Variants in DENND2C observed in about 807,000 individuals in gnomAD.
The protein encoded by DENND2C is DENN domain-containing protein 2C.
A neutral mutation model predicts 112.4 loss-of-function variants in DENND2C; 72 were observed. That is an observed-to-expected ratio of 0.64 (90% confidence interval 0.53 to 0.78). The LOEUF is 0.78. Among genes scored for constraint, DENND2C ranks in the 30% least tolerant of loss-of-function variants. The pLI, the probability that DENND2C is intolerant of heterozygous loss-of-function variation, is 0.00. For missense variants in DENND2C, 992 were observed against 1,113.8 expected (o/e 0.89, Z 1.56); for synonymous variants, 329 against 381.6 (o/e 0.86, Z 1.61).
chr1:114,591,329 T>C (rs1655184626), intron 18 of DENND2C, among the ~76,000 whole-genome samples: 1 of 152,176 alleles, frequency 6.6e-6, no homozygotes, highest in Non-Finnish European at 1.5e-5. Context: ...GTGGCTTACA[T>C]TTACACTTCC....
chr1:114,612,163 TA>T (rs1476070644), intron 8 of DENND2C, among the ~76,000 whole-genome samples: 1 of 152,136 alleles, frequency 6.6e-6, no homozygotes, highest in African/African-American at 2.4e-5. Flanking sequence ...CCCAAATTCA[TA>T]ACGAAATAAA....
At position 114,602,123 on chromosome 1, in the gene DENND2C, A is replaced by G; in HGVS notation, c.1737+2T>C. On this transcript the variant is annotated splice_donor_variant, in intron 12 of 20. Transcript: ENST00000393274. LOFTEE classifies it high-confidence loss of function. ...TGTCTGTAACACAAATCTGATACTT[A>G]CCAAGAGCTTCTTACAGTAACCAAA... 1.9e-6 allele frequency: 3 copies of G among 1,613,808 alleles called. No individual in the cohort carries two copies. The highest frequency in any genetic ancestry group is 2.5e-6 in the Non-Finnish European group (3 of 1,179,854).
At position 114,626,038 on chromosome 1, in the gene DENND2C, G is replaced by T; in HGVS notation, c.-54C>A. On this transcript the variant is annotated 5_prime_UTR_variant, in exon 4 of 21. The change creates a premature stop within an existing upstream ORF in the 5' untranslated region. Transcript: ENST00000393274. ...GAATCTTACAAAGGTTCCATTACAA[G>T]TAAATGTGAAATATTGTATTCTTTA... 6.8e-7 allele frequency: 1 copy of T among 1,467,862 alleles called. No homozygotes were observed. Among genetic ancestry groups the T allele is most frequent in the African/African-American group, 1.4e-5 (1 of 70,976 alleles). 90.9% of individuals were successfully genotyped at this position (1,467,862 alleles called of 1,614,324 possible).
intron 7 of DENND2C, among the ~76,000 whole-genome samples, chr1:114,619,724 G>A (rs1656112755): frequency 6.6e-6 from 1 of 152,054 alleles, no homozygotes; most frequent in Admixed American, 6.6e-5. Flanking sequence ...AAAGATGTAT[G>A]GAAATAAATA....
intron 3 of DENND2C, among the ~76,000 whole-genome samples, chr1:114,637,062 T>C (rs1461105078): frequency 6.7e-6 from 1 of 149,848 alleles, no homozygotes; most frequent in Non-Finnish European, 1.5e-5. Flanking sequence ...CTGGGCAATA[T>C]GGTTAAACCC....
At chr1:114,660,021 G>C (rs1183247048) in intron 1 of DENND2C, among the ~76,000 whole-genome samples, 2 of 152,048 alleles carry the variant, frequency 1.3e-5, no homozygotes, top group Non-Finnish European at 2.9e-5. Context: ...AAACTCATGG[G>C]CTCAAGTGAT....
At chr1:114,641,935 A>G (rs1447601525) in intron 3 of DENND2C, among the ~76,000 whole-genome samples, 4 of 152,062 alleles carry the variant, frequency 2.6e-5, no homozygotes, top group African/African-American at 7.2e-5. Flanking sequence ...TATATCATAT[A>G]TATACACACA....
intron 6 of DENND2C, 74 bp from the exon 7 acceptor site, chr1:114,622,139 G>T: frequency 7.0e-7 from 1 of 1,423,464 alleles, no homozygotes. Flanking sequence ...TTTGAGATGG[G>T]GTCTTGCTCT....
At position 114,585,412 on chromosome 1, in the gene DENND2C, A is replaced by G; in HGVS notation, c.*188T>C. Reference sequence around the variant, plus strand: ...AGTAAAGATGGCATGGTGCCAGACCATTCCCAACAATTCTCCAGTGATTAC... The same window carrying G: ...AGTAAAGATGGCATGGTGCCAGACCGTTCCCAACAATTCTCCAGTGATTAC... On this transcript the variant is annotated 3_prime_UTR_variant, in exon 21 of 21. Transcript: ENST00000393274. The G allele has an allele frequency of 1.6e-6, 1 of 615,654 alleles. No individual in the cohort carries two copies. The highest frequency in any genetic ancestry group is 2.9e-6 in the Non-Finnish European group (1 of 347,838). 38.1% of individuals were successfully genotyped at this position (615,654 alleles called of 1,614,324 possible).
At chr1:114,596,676 G>C (rs908143587) in intron 16 of DENND2C, among the ~76,000 whole-genome samples, 42 of 151,974 alleles carry the variant, frequency 2.8e-4, no homozygotes, top group African/African-American at 8.2e-4. Flanking sequence ...ACTGAAGTGG[G>C]GTGACTGGTA....
Position 114,599,276 on chromosome 1 carries a change from C to G in DENND2C, c.2281G>C (p.Glu761Gln). 6.2e-7 allele frequency: 1 copy of G among 1,605,298 alleles called. No homozygotes were observed. Among genetic ancestry groups the G allele is most frequent in the East Asian group, 2.2e-5 (1 of 44,832 alleles). ...LPQLQDLPIE[E>Q]VLIVDLCADK... is the part of the protein sequence containing the mutation. Reference sequence around the variant, plus strand: ...TAGGTTCCATTCTTCTATCTCACCTCTTCAATGGGTAGGTCCTGGAGCTGT... The same window carrying G: ...TAGGTTCCATTCTTCTATCTCACCTGTTCAATGGGTAGGTCCTGGAGCTGT... The change falls in exon 16 of 21, where the codon GAG becomes CAG. Residue 761 changes from glutamate to glutamine, a missense_variant and splice_region_variant. By Grantham distance (29) the Glu-to-Gln change is conservative. Coordinates refer to ENST00000393274, the MANE Select transcript of DENND2C (RefSeq NM_001256404.2).
intron 3 of DENND2C, among the ~76,000 whole-genome samples, chr1:114,640,100 A>G (rs934250218): frequency 6.6e-6 from 1 of 152,208 alleles, no homozygotes; most frequent in Admixed American, 6.5e-5. Flanking sequence ...TTGTTTTTCC[A>G]TTTGAGATTC....
Position 114,608,870 on chromosome 1 carries a change from C to A in DENND2C, c.1373G>T (p.Arg458Leu), listed in dbSNP as rs200716799. 5 of 1,613,990 alleles carry A rather than the reference C, an allele frequency of 3.1e-6. No individual in the cohort carries two copies. Among genetic ancestry groups the A allele is most frequent in the African/African-American group, 1.3e-5 (1 of 75,032 alleles). Residue 458 changes from arginine to leucine, a missense_variant, in exon 10 of 21, where the codon CGC becomes CTC. By Grantham distance (102) the Arg-to-Leu change is moderately radical. This residue lies in a region of DENND2C where 516 missense variants were observed against 623.6 expected (regional missense o/e 0.83). Coordinates refer to ENST00000393274, the MANE Select transcript of DENND2C (RefSeq NM_001256404.2). ...ESDAEYLPKNRHKRLAQLQPS... is the reference protein window; with the variant it reads ...ESDAEYLPKNLHKRLAQLQPS... ...TTGCAGTTGTGCTAAGCGTTTATGG[C>A]GATCTGTAATGAAATCATGGAGAAA...
chr1:114,668,453 TATTGTC>T (rs1394679522), intron 1 of DENND2C, among the ~76,000 whole-genome samples: 1 of 152,010 alleles, frequency 6.6e-6, no homozygotes, highest in Non-Finnish European at 1.5e-5. Context: ...GAAAACTGCT[TATTGTC>T]ATTAAGAAAA....
rs139936260 is a variant in DENND2C, at chr1:114,585,485, T to C, written c.*115A>G. On this transcript the variant is annotated 3_prime_UTR_variant, in exon 21 of 21. Coordinates refer to ENST00000393274, the MANE Select transcript of DENND2C (RefSeq NM_001256404.2). Reference sequence around the variant, plus strand: ...TCCTCTAACAGCCTGACTCGCTCTTTAACCTTTTAAAATTTCAAGAATTTT... The same window carrying C: ...TCCTCTAACAGCCTGACTCGCTCTTCAACCTTTTAAAATTTCAAGAATTTT... 175 of 1,157,488 alleles carry C rather than the reference T, an allele frequency of 1.5e-4. No individual in the cohort carries two copies. In the East Asian group the frequency reaches 4.0e-3, roughly 26 times the overall value. 71.7% of individuals were successfully genotyped at this position (1,157,488 alleles called of 1,614,324 possible).
intron 14 of DENND2C, 100 bp downstream of exon 14, chr1:114,600,720 T>C (rs1655476492): frequency 2.1e-6 from 3 of 1,404,064 alleles, no homozygotes; most frequent in African/African-American, 1.4e-5. Context: ...TTACAGTTTA[T>C]GGAAAAGGGA....
chr1:114,589,538 TA>T (rs1405740316), intron 18 of DENND2C, among the ~76,000 whole-genome samples: 1 of 152,042 alleles, frequency 6.6e-6, no homozygotes, highest in Non-Finnish European at 1.5e-5. Context: ...TTCTTTTTTT[TA>T]ATTAATTTTT....
intron 3 of DENND2C, among the ~76,000 whole-genome samples, chr1:114,628,776 T>C (rs1343448538): frequency 6.6e-6 from 1 of 152,270 alleles, no homozygotes; most frequent in African/African-American, 2.4e-5. Flanking sequence ...AATTATATTC[T>C]GAGCCACCTT....
intron 8 of DENND2C, among the ~76,000 whole-genome samples, chr1:114,614,515 T>C (rs1400734951): frequency 6.6e-6 from 1 of 152,158 alleles, no homozygotes; most frequent in Non-Finnish European, 1.5e-5. Context: ...TGTTACAATG[T>C]AGAGGCTGCT....
Sources: gnomAD v4.1 joint callset for allele counts (sites outside exome capture counted in the v4.1 genomes callset) on GRCh38, gnomAD v4.1.1 for gene constraint, gnomAD v4.1.1 regional missense constraint, MANE v1.5 for transcripts, NCBI Gene and HGNC (gene_info 2026-07-23, HGNC 2026-07-21) for gene names.